SDK1: variants seen among roughly 807,000 people sequenced by gnomAD.
The protein encoded by SDK1 is protein sidekick-1.
SDK1 carries 157 observed loss-of-function variants against 245.5 expected under a neutral mutation model. That is an observed-to-expected ratio of 0.64 (90% CI 0.56 to 0.73). The LOEUF (loss-of-function observed/expected upper bound fraction) is 0.73. Among genes scored for constraint, SDK1 ranks in the 30% least tolerant of loss-of-function variants. The pLI, the probability that SDK1 is intolerant of heterozygous loss-of-function variation, is 0.00. For missense variants in SDK1, 3,583 were observed against 3,002.3 expected, an observed-to-expected ratio of 1.19 and a Z score of -4.52; for synonymous variants, 1,647 against 1,278.5, an observed-to-expected ratio of 1.29 and a Z score of -6.15.
At chr7:3,602,417 T>G (rs1310686665) in intron 1 of SDK1, among the ~76,000 whole-genome samples, 2 of 150,472 alleles carry the variant, frequency 1.3e-5, no homozygotes, top group Non-Finnish European at 3.0e-5. Context: ...TTTGCATTTA[T>G]CTGATGGCCA....
chr7:4,190,152 C>T (rs1011656524), intron 35 of SDK1, among the ~76,000 whole-genome samples: 6 of 152,180 alleles, frequency 3.9e-5, no homozygotes, highest in Non-Finnish European at 5.9e-5. Context: ...GGGTAATTAA[C>T]GTCGCAACCC....
At chr7:3,343,348 G>T (rs930454245) in intron 1 of SDK1, among the ~76,000 whole-genome samples, 1 of 152,178 alleles carries the variant, frequency 6.6e-6, no homozygotes, top group Non-Finnish European at 1.5e-5. Context: ...AAGGGCCAAA[G>T]TATTGATGCA....
chr7:3,402,945 C>G (rs995978585), intron 1 of SDK1, among the ~76,000 whole-genome samples: 12 of 123,486 alleles, frequency 9.7e-5, no homozygotes, highest in Middle Eastern at 3.8e-3. Context: ...TCCTCTGTTT[C>G]TTTCTTTCTT....
At chr7:3,346,729 A>G (rs191986278) in intron 1 of SDK1, among the ~76,000 whole-genome samples, 399 of 136,474 alleles carry the variant, frequency 2.9e-3, no homozygotes, top group Non-Finnish European at 4.9e-3. Context: ...ATGTATACAT[A>G]TATATATACA....
chr7:3,414,304 G>C (rs1057402121), intron 1 of SDK1, among the ~76,000 whole-genome samples: 1 of 152,014 alleles, frequency 6.6e-6, no homozygotes. Flanking sequence ...AGAATGTGAC[G>C]GAATGGACTG....
At chr7:3,975,713 T>G (rs1276721491) in intron 13 of SDK1, among the ~76,000 whole-genome samples, 1 of 152,272 alleles carries the variant, frequency 6.6e-6, no homozygotes. Context: ...GAAGGCCCTG[T>G]GGTGTCATCA....
chr7:3,671,002 C>T (rs1783684873), intron 4 of SDK1, among the ~76,000 whole-genome samples: 3 of 152,160 alleles, frequency 2.0e-5, no homozygotes, highest in Admixed American at 1.3e-4. Context: ...ACCACGATTA[C>T]AGTTAAAACA....
chr7:3,962,050 C>T (rs988077552), intron 8 of SDK1, among the ~76,000 whole-genome samples: 1 of 152,156 alleles, frequency 6.6e-6, no homozygotes, highest in African/African-American at 2.4e-5. Context: ...CACACATGTA[C>T]ACGTGCACAC....
chr7:4,108,105 C>G (rs1056692749), intron 22 of SDK1, among the ~76,000 whole-genome samples: 5 of 152,114 alleles, frequency 3.3e-5, no homozygotes, highest in Non-Finnish European at 7.4e-5. Context: ...TCTGAGATCC[C>G]CGGATCGTGA....
chr7:3,625,942 CTTTTTTTTT>C (rs3086084), intron 2 of SDK1, among the ~76,000 whole-genome samples: 1 of 129,800 alleles, frequency 7.7e-6, no homozygotes, highest in African/African-American at 2.9e-5. Context: ...TCTTTTCTTT[CTTTTTTTTT>C]TTTTTTTTGA....
intron 1 of SDK1, among the ~76,000 whole-genome samples, chr7:3,403,353 T>G (rs1477009786): frequency 6.6e-6 from 1 of 152,192 alleles, no homozygotes; most frequent in Admixed American, 6.5e-5. Flanking sequence ...AATGGTTGCT[T>G]CTTTCAAATG....
At chr7:3,417,745 G>C (rs1423031374) in intron 1 of SDK1, among the ~76,000 whole-genome samples, 4 of 152,080 alleles carry the variant, frequency 2.6e-5, no homozygotes, top group Non-Finnish European at 5.9e-5. Context: ...CTCATATTTG[G>C]TGCCTGAGGG....
At chr7:3,445,733 A>G (rs749526902) in intron 1 of SDK1, among the ~76,000 whole-genome samples, 54 of 152,132 alleles carry the variant, frequency 3.5e-4, no homozygotes, top group Non-Finnish European at 4.7e-4. Context: ...TATTTCTTCT[A>G]CACACATTAA....
At chr7:3,934,691 G>T (rs757626288) in intron 5 of SDK1, among the ~76,000 whole-genome samples, 1 of 152,228 alleles carries the variant, frequency 6.6e-6, no homozygotes, top group Non-Finnish European at 1.5e-5. Flanking sequence ...GAGTGGGGCC[G>T]ATAAGCACGT....
intron 16 of SDK1, among the ~76,000 whole-genome samples, chr7:4,016,874 G>A (rs983301600): frequency 3.3e-5 from 5 of 152,148 alleles, no homozygotes; most frequent in African/African-American, 4.8e-5. Context: ...GGAATTTTTC[G>A]TCCTAAGTCA....
intron 22 of SDK1, among the ~76,000 whole-genome samples, chr7:4,081,425 A>ATT (rs11358526): frequency 2.1e-5 from 3 of 145,580 alleles, no homozygotes; most frequent in South Asian, 4.4e-4. Context: ...TGTTTCTTTA[A>ATT]TTTTTTTTTT....
intron 5 of SDK1, among the ~76,000 whole-genome samples, chr7:3,829,630 T>C (rs1164826932): frequency 2.0e-5 from 3 of 152,088 alleles, no homozygotes; most frequent in African/African-American, 7.2e-5. Context: ...CTGGGTGTGC[T>C]CTTGAGGTCA....
chr7:3,501,402 G>C (rs1468904135), intron 1 of SDK1, among the ~76,000 whole-genome samples: 4 of 151,800 alleles, frequency 2.6e-5, no homozygotes, highest in African/African-American at 9.7e-5. Flanking sequence ...GATCAGGACA[G>C]TTTCAAAGTA....
chr7:3,945,084 A>G (rs1780520450), intron 5 of SDK1, among the ~76,000 whole-genome samples: 1 of 152,256 alleles, frequency 6.6e-6, no homozygotes, highest in Non-Finnish European at 1.5e-5. Flanking sequence ...ACTGCACTCC[A>G]GCCTGGGTGA....
Sources: allele counts gnomAD v4.1 joint callset (sites outside exome capture counted in the v4.1 genomes callset), GRCh38; gene constraint gnomAD v4.1.1; transcripts MANE v1.5; gene names NCBI Gene and HGNC (gene_info 2026-07-23, HGNC 2026-07-21).